The following TNFRSF1A variants were observed in gnomAD, a reference collection of about 807,000 sequenced individuals.
TNFRSF1A encodes TNF receptor superfamily member 1A, also known as tumor necrosis factor receptor superfamily member 1A.
Under a neutral mutation model 41.6 loss-of-function variants are expected in TNFRSF1A, and 9 were observed. The ratio of observed to expected loss-of-function variants is 0.22; its 90% CI spans 0.13 to 0.38. The LOEUF (loss-of-function observed/expected upper bound fraction) is 0.38. Ranked by LOEUF, TNFRSF1A falls within the 10% of genes least tolerant of loss-of-function variation. The pLI is 1.00. For synonymous variants in TNFRSF1A, 254 were observed against 248.6 expected, an observed-to-expected ratio of 1.02 and a Z score of -0.21; for missense variants, 463 against 591.5, an observed-to-expected ratio of 0.78 and a Z score of 2.25.
chr12:6,339,837 TCTCTCACA>T (rs766353756), intron 1 of TNFRSF1A, among the ~76,000 whole-genome samples: 67 of 108,812 alleles, frequency 6.2e-4, no homozygotes, highest in African/African-American at 2.9e-3. Flanking sequence ...TCTCTCTCTC[TCTCTCACA>T]CACACACACA....
In TNFRSF1A at chr12:6,333,683, G is replaced by T; in HGVS notation, c.322+54C>A. The stretch of plus-strand genomic sequence containing the variant: ...ACACCCACCAGCCTGCACATAGACA[G>T]GCACCCACACACCACTCAAGACCCG... On this transcript the variant is annotated intron_variant, in intron 3 of 9. Transcript: ENST00000162749. The surrounding 1 kb of genome is among the most constrained non-coding windows in gnomAD (Gnocchi z 6.3). 1 of 1,560,874 alleles carries T rather than the reference G, an allele frequency of 6.4e-7. No individual in the cohort carries two copies. Among genetic ancestry groups the T allele is most frequent in the Non-Finnish European group, 8.7e-7 (1 of 1,151,860 alleles).
Position 6,333,387 on chromosome 12 carries a change from T to C in TNFRSF1A, c.452A>G (p.Asn151Ser), listed in dbSNP as rs369875050. The change falls in exon 4 of 10, where the codon AAT (asparagine) becomes AGT (serine). Residue 151 changes from asparagine to serine, a missense_variant. By Grantham distance (46) the Asn-to-Ser change is conservative (BLOSUM62 1). This residue lies in a region of TNFRSF1A where 149 missense variants were observed against 239.4 expected (regional missense o/e 0.62). Transcript: ENST00000162749. The surrounding 1 kb of genome is among the most constrained non-coding windows in gnomAD (Gnocchi z 6.3). ...CTCACAGGAGAGGTGCACGGTCCCA[T>C]TGAGGCAGAGGCTGCAATTGAAGCA... ...FQCFNCSLCL[N>S]GTVHLSCQEK... 40 of 1,613,784 alleles carry C rather than the reference T, an allele frequency of 2.5e-5. No individual in the cohort carries two copies. The African/African-American group carries it at 3.5e-4, about 14-fold the overall frequency.
rs1269986594 is a variant in TNFRSF1A at position 6,329,579 on chromosome 12, G to A, written c.1101C>T (p.Pro367=). The A allele has an allele frequency of 1.9e-6, 3 of 1,592,604 alleles. No homozygotes were observed. Among genetic ancestry groups the A allele is most frequent in the Admixed American group, 3.4e-5 (2 of 59,590 alleles). Residue 367 remains proline (P), a synonymous_variant, in exon 10 of 10, where the codon CCC becomes CCT. Transcript: ENST00000162749. The part of the protein sequence containing the change: ...ATLYAVVENV[P]PLRWKEFVRR... ...GCACGAATTCCTTCCAGCGCAACGG[G>A]GGCACGTTCTCCACCACGGCGTACA...
At position 6,341,938 on chromosome 12, in the gene TNFRSF1A, G is replaced by C; in HGVS notation, c.-124C>G. 1.0e-6 allele frequency: 1 copy of C among 993,900 alleles called. No individual in the cohort carries two copies. The highest frequency in any genetic ancestry group is 1.3e-5 in the South Asian group (1 of 76,650). The allele number at this position is 993,900 out of a possible 1,614,324, so 61.6% of individuals were successfully genotyped here. ...CCAAGTGCCTTGGGGTGACAGTTGA[G>C]GGTTGAGACTCGGGCATAGAGATCA... On this transcript the variant is annotated 5_prime_UTR_variant, in exon 1 of 10. Transcript: ENST00000162749. The surrounding 1 kb of genome is among the most constrained non-coding windows in gnomAD (Gnocchi z 4.6).
chr12:6,341,696 G>A lies in TNFRSF1A; in HGVS notation c.39+80C>T, dbSNP rs1948196828. 24 of 1,538,694 alleles carry A rather than the reference G, an allele frequency of 1.6e-5. No homozygotes were observed. In the South Asian group the frequency reaches 2.5e-4, roughly 16 times the overall value. ...ACCAGGCCCGGGCAGGAGAGGCTCG[G>A]CCCCCTCCCGGAGAGGGCCCACGCC... is the stretch of plus-strand genomic sequence containing the variant. On this transcript the variant is annotated intron_variant, in intron 1 of 9. Coordinates refer to ENST00000162749, the MANE Select transcript of TNFRSF1A (RefSeq NM_001065.4). The surrounding 1 kb of genome is among the most constrained non-coding windows in gnomAD (Gnocchi z 4.6).
At chr12:6,340,843 C>T (rs528337448) in intron 1 of TNFRSF1A, among the ~76,000 whole-genome samples, 4 of 152,208 alleles carry the variant, frequency 2.6e-5, no homozygotes, top group African/African-American at 9.6e-5. Context: ...ACGTGGAGGA[C>T]GATCAAGGAT....
chr12:6,339,988 A>G (rs933262503), intron 1 of TNFRSF1A, among the ~76,000 whole-genome samples: 1 of 152,084 alleles, frequency 6.6e-6, no homozygotes, highest in Admixed American at 6.5e-5. Flanking sequence ...TAGGAGACAT[A>G]ATCCCACCTG....
chr12:6,341,478 T>C lies in TNFRSF1A; in HGVS notation c.39+298A>G, dbSNP rs1948194180. ...TCTGCCCCACCCTGGGCCTATCTCC[T>C]GCCCACATTCCCTTGGCCGCCCACA... On this transcript the variant is annotated intron_variant, in intron 1 of 9. Transcript: ENST00000162749. This position sits in a 1 kb window ranked among gnomAD's most constrained non-coding sequence, Gnocchi z 4.6. Among the ~76,000 whole-genome samples the C allele has an allele frequency of 6.6e-6, 1 of 152,232 alleles. No homozygotes were observed. Among genetic ancestry groups the C allele is most frequent in the Admixed American group, 6.5e-5 (1 of 15,286 alleles).
chr12:6,329,447 C>G lies in TNFRSF1A; in HGVS notation c.1233G>C (p.Thr411=). Residue 411 remains threonine (T), a synonymous_variant, in exon 10 of 10, where the codon ACG becomes ACC. Coordinates refer to ENST00000162749, the MANE Select transcript of TNFRSF1A (RefSeq NM_001065.4). ...YSMLATWRRR[T]PRREATLELL... is the part of the protein sequence containing the mutation. ...GCTCCAGCGTGGCCTCGCGCCGCGG[C>G]GTGCGCCGCCTCCAGGTCGCCAGCA... is the stretch of plus-strand genomic sequence containing the variant. 1.3e-6 allele frequency: 2 copies of G among 1,587,592 alleles called. No individual in the cohort carries two copies. Among genetic ancestry groups the G allele is most frequent in the Non-Finnish European group, 1.7e-6 (2 of 1,173,902 alleles).
chr12:6,329,730 C>A, intron 9 of TNFRSF1A, 48 bp downstream of exon 9: 1 of 1,566,400 alleles, frequency 6.4e-7, no homozygotes, highest in East Asian at 2.3e-5. Flanking sequence ...CCCGCGCTCC[C>A]CCGGCCCTCC....
rs1384070421 is a variant in TNFRSF1A, at chr12:6,334,300, T to G, written c.40-56A>C. 1 of 1,547,758 alleles carries G rather than the reference T, an allele frequency of 6.5e-7. No homozygotes were observed. Among genetic ancestry groups the G allele is most frequent in the African/African-American group, 1.4e-5 (1 of 73,294 alleles). The stretch of plus-strand genomic sequence containing the variant: ...TCAAGAGAGGGAGGGATGGGAAGCT[T>G]AGGGGTAGCAGATCTAAAACTTCCC... On this transcript the variant is annotated intron_variant, in intron 1 of 9. Coordinates refer to ENST00000162749, the MANE Select transcript of TNFRSF1A (RefSeq NM_001065.4). The surrounding 1 kb of genome is among the most constrained non-coding windows in gnomAD (Gnocchi z 5.1).
chr12:6,336,558 A>G (rs1314907602), intron 1 of TNFRSF1A, among the ~76,000 whole-genome samples: 1 of 150,244 alleles, frequency 6.7e-6, no homozygotes, highest in Non-Finnish European at 1.5e-5. Flanking sequence ...GAGCCAGGCC[A>G]CAGACCCTTG....
At position 6,329,835 on chromosome 12, in the gene TNFRSF1A, T is replaced by C. The variant is rs1178535061; in HGVS notation, c.1000A>G (p.Ile334Val). 78 of 1,604,494 alleles carry C rather than the reference T, an allele frequency of 4.9e-5. No individual in the cohort carries two copies. Among genetic ancestry groups the C allele is most frequent in the Non-Finnish European group, 5.9e-5 (69 of 1,176,688 alleles). ...TCCCACTTCTGAAGGGGGTTGGGGATGGGGTCGGAGGCGAGGGCTGTCGCA... is the reference window on the plus strand; with the variant it reads ...TCCCACTTCTGAAGGGGGTTGGGGACGGGGTCGGAGGCGAGGGCTGTCGCA... ...ILATALASDP[I>V]PNPLQKWEDS... is the part of the protein sequence containing the mutation. The change falls in exon 9 of 10, where the codon ATC becomes GTC. Residue 334 changes from isoleucine to valine, a missense_variant. Around this residue, in one of 4 missense-constraint regions of TNFRSF1A, gnomAD observed 277 missense variants for 288.8 expected, o/e 0.96. Transcript: ENST00000162749.
Position 6,329,491 on chromosome 12 carries a change from G to A in TNFRSF1A, c.1189C>T (p.Arg397Cys), listed in dbSNP as rs1565465664. Residue 397 changes from arginine to cysteine, a missense_variant, in exon 10 of 10, where the codon CGC becomes TGC. By Grantham distance (180) the Arg-to-Cys change is radical. Transcript: ENST00000162749. Reference sequence around the variant, plus strand: ...GCCAGCATGCTGTATTGCGCCTCGCGCAGGCAGCGCCCGTTCTGCAGCTCC... The same window carrying A: ...GCCAGCATGCTGTATTGCGCCTCGCACAGGCAGCGCCCGTTCTGCAGCTCC... ...RLELQNGRCL[R>C]EAQYSMLATW... 1 of 1,594,656 alleles carries A rather than the reference G, an allele frequency of 6.3e-7. No homozygotes were observed. Among genetic ancestry groups the A allele is most frequent in the Non-Finnish European group, 8.5e-7 (1 of 1,177,852 alleles).
intron 1 of TNFRSF1A, among the ~76,000 whole-genome samples, chr12:6,340,171 G>A (rs1236842661): frequency 1.3e-5 from 2 of 152,218 alleles, no homozygotes; most frequent in African/African-American, 4.8e-5. Flanking sequence ...GACTGTCAAA[G>A]CTGTGGGCAG....
At chr12:6,330,769 A>G in intron 6 of TNFRSF1A, 58 bp from the exon 7 acceptor site, 1 of 1,563,794 alleles carries the variant, frequency 6.4e-7, no homozygotes, top group South Asian at 1.1e-5. Flanking sequence ...GCAGGGATAG[A>G]TGGATGGGTG....
At chr12:6,335,776 G>A (rs1001332411) in intron 1 of TNFRSF1A, among the ~76,000 whole-genome samples, 1 of 152,318 alleles carries the variant, frequency 6.6e-6, no homozygotes, top group East Asian at 1.9e-4. Flanking sequence ...ACATTTCGGA[G>A]CAGGAGGCCA....
chr12:6,332,774 TAA>T (rs1948067663), intron 5 of TNFRSF1A, among the ~76,000 whole-genome samples: 1 of 152,324 alleles, frequency 6.6e-6, no homozygotes, highest in East Asian at 1.9e-4. Flanking sequence ...TTCAGAGCTA[TAA>T]GAGTGTATGT....
chr12:6,333,955 A>T lies in TNFRSF1A; in HGVS notation c.194-90T>A. 6.2e-7 allele frequency: 1 copy of T among 1,608,274 alleles called. No homozygotes were observed. Among genetic ancestry groups the T allele is most frequent in the Non-Finnish European group, 8.5e-7 (1 of 1,176,512 alleles). On this transcript the variant is annotated intron_variant, in intron 2 of 9. Coordinates refer to ENST00000162749, the MANE Select transcript of TNFRSF1A (RefSeq NM_001065.4). This position sits in a 1 kb window ranked among gnomAD's most constrained non-coding sequence, Gnocchi z 6.3. The stretch of plus-strand genomic sequence containing the variant: ...ACAACAGCCAGGGCCGATTCCCTGA[A>T]GTCTCTAGGAGAGGAGGGAGGGAGA...
Sources: allele counts gnomAD v4.1 joint callset (sites outside exome capture counted in the v4.1 genomes callset), GRCh38; gene constraint gnomAD v4.1.1; regional missense constraint gnomAD v4.1.1; non-coding constraint Gnocchi (gnomAD v3.1); transcripts MANE v1.5; gene names NCBI Gene and HGNC (gene_info 2026-07-23, HGNC 2026-07-21).